CLEC9A: variants seen among roughly 807,000 people sequenced by gnomAD.
The protein encoded by CLEC9A is C-type lectin domain containing 9A, also known as C-type lectin domain family 9 member A.
CLEC9A carries 24 observed loss-of-function variants against 30.0 expected under a neutral mutation model. That is an observed-to-expected ratio of 0.80 (90% CI 0.58 to 1.13). The LOEUF is 1.13. Ranked by LOEUF, CLEC9A falls within the 50% of genes most tolerant of loss-of-function variation. The pLI, the probability that CLEC9A is intolerant of heterozygous loss-of-function variation, is 0.00. For synonymous variants in CLEC9A, 111 were observed against 96.8 expected (o/e 1.15, Z -0.86); for missense variants, 251 against 280.9 (o/e 0.89, Z 0.76).
In CLEC9A at chr12:10,052,647, G is replaced by C; in HGVS notation, c.-41G>C. On this transcript the variant is annotated 5_prime_UTR_variant, in exon 4 of 9. Coordinates refer to ENST00000355819, the MANE Select transcript of CLEC9A (RefSeq NM_207345.4). Reference sequence around the variant, plus strand: ...ACCACAAGAGGAGTTACTTGTTCCAGCCTCCTGTGTGGACTGCTTTCCTAT... The same window carrying C: ...ACCACAAGAGGAGTTACTTGTTCCACCCTCCTGTGTGGACTGCTTTCCTAT... The C allele has an allele frequency of 1.9e-6, 3 of 1,605,118 alleles. No homozygotes were observed. Among genetic ancestry groups the C allele is most frequent in the Middle Eastern group, 1.7e-4 (1 of 5,980 alleles).
intron 1 of CLEC9A, among the ~76,000 whole-genome samples, chr12:10,036,067 A>T (rs891186711): frequency 6.6e-6 from 1 of 152,084 alleles, no homozygotes; most frequent in Non-Finnish European, 1.5e-5. Context: ...ACTGATTATC[A>T]TTCATTCTTA....
intron 1 of CLEC9A, among the ~76,000 whole-genome samples, chr12:10,032,389 C>CTTT (rs10647036): frequency 0.083 from 9,781 of 117,152 alleles, 833 homozygotes; most frequent in East Asian, 0.21. Context: ...TTAGGGATTT[C>CTTT]TTTTTTTTTT....
chr12:10,040,473 T>G (rs900187378), intron 1 of CLEC9A, among the ~76,000 whole-genome samples: 3 of 149,624 alleles, frequency 2.0e-5, no homozygotes, highest in Admixed American at 6.7e-5. Flanking sequence ...TTTTTTGAGA[T>G]GGAGTCTTGC....
intron 1 of CLEC9A, among the ~76,000 whole-genome samples, chr12:10,039,859 T>G (rs1275848237): frequency 2.8e-4 from 4 of 14,056 alleles, no homozygotes; most frequent in Non-Finnish European, 6.4e-4. Flanking sequence ...TTCCGCTCTT[T>G]CACCCAGGCT....
At chr12:10,045,741 G>A (rs1376932080) in intron 2 of CLEC9A, 2 of 190,408 alleles carry the variant, frequency 1.1e-5, no homozygotes, top group Non-Finnish European at 2.3e-5. Context: ...TTCCTTTGAT[G>A]TCATTTTTAG....
At chr12:10,065,398 CACAAA>C (rs1866034580) in intron 8 of CLEC9A, 97 bp from the exon 9 acceptor site, 5 of 1,375,736 alleles carry the variant, frequency 3.6e-6, no homozygotes, top group Non-Finnish European at 3.0e-6. Flanking sequence ...GCTGTGTCAA[CACAAA>C]ACAAAACAAG....
chr12:10,036,943 C>T (rs921849123), intron 1 of CLEC9A, among the ~76,000 whole-genome samples: 1 of 152,186 alleles, frequency 6.6e-6, no homozygotes, highest in Admixed American at 6.5e-5. Flanking sequence ...GAAATTCTCA[C>T]TTAACATCAT....
intron 7 of CLEC9A, 75 bp downstream of exon 7, chr12:10,063,281 TAAG>T: frequency 1.5e-6 from 2 of 1,322,240 alleles, no homozygotes; most frequent in South Asian, 4.0e-5. Context: ...CTCATTCTCA[TAAG>T]ACAAAATTCC....
chr12:10,038,086 A>G (rs1318434271), intron 1 of CLEC9A, among the ~76,000 whole-genome samples: 1 of 152,246 alleles, frequency 6.6e-6, no homozygotes, highest in Non-Finnish European at 1.5e-5. Context: ...ACGACTGGGA[A>G]CCACTGAATA....
chr12:10,062,310 G>GAC (rs1866005078), intron 6 of CLEC9A, among the ~76,000 whole-genome samples: 1 of 152,212 alleles, frequency 6.6e-6, no homozygotes, highest in South Asian at 2.1e-4. Flanking sequence ...CAGAGTTGTG[G>GAC]AAGTTTCAGT....
At chr12:10,052,165 C>T (rs1865898472) in intron 3 of CLEC9A, 71 bp downstream of exon 3, 1 of 152,810 alleles carries the variant, frequency 6.5e-6, no homozygotes, top group Non-Finnish European at 1.5e-5. Context: ...AGTAGCATTA[C>T]ACTAACAGAT....
chr12:10,062,968 TGA>T, intron 6 of CLEC9A, 85 bp from the exon 7 acceptor site: 1 of 1,164,766 alleles, frequency 8.6e-7, no homozygotes, highest in South Asian at 1.7e-5. Flanking sequence ...TCAGCCTCAC[TGA>T]GGGTGAGGCA....
At chr12:10,064,681 A>G in intron 7 of CLEC9A, 51 bp from the exon 8 acceptor site, 1 of 1,558,582 alleles carries the variant, frequency 6.4e-7, no homozygotes, top group Non-Finnish European at 8.7e-7. Context: ...ATTTCACTAG[A>G]GTTTTGTTTG....
chr12:10,046,897 T>C (rs1168241961), intron 2 of CLEC9A, among the ~76,000 whole-genome samples: 2 of 152,194 alleles, frequency 1.3e-5, no homozygotes, highest in Non-Finnish European at 2.9e-5. Flanking sequence ...TATTTCCTCA[T>C]CTATGAAATG....
intron 5 of CLEC9A, among the ~76,000 whole-genome samples, chr12:10,054,654 G>A (rs1865924334): frequency 6.6e-6 from 1 of 152,134 alleles, no homozygotes; most frequent in African/African-American, 2.4e-5. Flanking sequence ...CATGCAATTT[G>A]AAAGATTTCA....
In CLEC9A at chr12:10,052,905, G is replaced by A. The variant is rs151216237; in HGVS notation, c.91+127G>A. The A allele has an allele frequency of 1.3e-4, 134 of 1,005,504 alleles. 1 individual carries two copies. In the African/African-American group the frequency reaches 1.4e-3, roughly 11 times the overall value. The allele number at this position is 1,005,504 out of a possible 1,614,324, so 62.3% of individuals were successfully genotyped here. On this transcript the variant is annotated intron_variant, in intron 4 of 8. Coordinates refer to ENST00000355819, the MANE Select transcript of CLEC9A (RefSeq NM_207345.4). ...TCTACCTAAGGGTACTGTAATGTCC[G>A]TGAAATGCTAATGAAGTGGAGAAGG... is the stretch of plus-strand genomic sequence containing the variant.
chr12:10,040,074 C>T (rs115680346), intron 1 of CLEC9A, among the ~76,000 whole-genome samples: 4,396 of 152,288 alleles, frequency 0.029, 221 homozygotes, highest in African/African-American at 0.099. Flanking sequence ...GTGCCAGCCT[C>T]GGCCTCTCAA....
chr12:10,037,731 A>G (rs188810958), intron 1 of CLEC9A, among the ~76,000 whole-genome samples: 1 of 152,274 alleles, frequency 6.6e-6, no homozygotes, highest in East Asian at 1.9e-4. Flanking sequence ...TCTTACATAA[A>G]AGGATGTTAC....
intron 2 of CLEC9A, among the ~76,000 whole-genome samples, chr12:10,049,707 C>T (rs181518768): frequency 6.6e-6 from 1 of 152,168 alleles, no homozygotes; most frequent in Admixed American, 6.5e-5. Context: ...GGGCTTTGCT[C>T]TGAATTAGGC....
Sources: gnomAD v4.1 joint callset for allele counts (sites outside exome capture counted in the v4.1 genomes callset) on GRCh38, gnomAD v4.1.1 for gene constraint, MANE v1.5 for transcripts, NCBI Gene and HGNC (gene_info 2026-07-23, HGNC 2026-07-21) for gene names.